The following MADD variants were observed in gnomAD, a reference collection of about 807,000 sequenced individuals.
MADD encodes MAP kinase-activating death domain protein.
MADD carries 109 observed loss-of-function variants against 176.7 expected under a neutral mutation model. That is an observed-to-expected ratio of 0.62 (90% CI 0.53 to 0.72). MADD has a LOEUF of 0.72. Among genes scored for constraint, MADD ranks in the 30% least tolerant of loss-of-function variants. The pLI is 0.00. For missense variants in MADD, 1,914 were observed against 2,045.5 expected (o/e 0.94, Z 1.24); for synonymous variants, 771 against 771.3 (o/e 1.00, Z 0.01).
At chr11:47,324,198 T>G in intron 28 of MADD, 67 bp from the exon 32 acceptor site, 1 of 1,444,270 alleles carries the variant, frequency 6.9e-7, no homozygotes, top group Non-Finnish European at 9.7e-7. Context: ...CAGTGGCCAT[T>G]ATAGAGCAGT....
chr11:47,314,105 G>T (rs535668501), intron 26 of MADD, among the ~76,000 whole-genome samples: 43 of 152,154 alleles, frequency 2.8e-4, no homozygotes, highest in Non-Finnish European at 5.3e-4. Context: ...GCTAGGCATG[G>T]TGGCATGCAC....
intron 16 of MADD, 29 bp downstream of exon 17, chr11:47,289,522 T>A: frequency 6.3e-7 from 1 of 1,592,346 alleles, no homozygotes; most frequent in Admixed American, 1.7e-5. Flanking sequence ...GTTTTAAAAG[T>A]TCTCAGGCAG....
At chr11:47,304,521 C>A (rs1020189025) in intron 22 of MADD, among the ~76,000 whole-genome samples, 1 of 152,158 alleles carries the variant, frequency 6.6e-6, no homozygotes, top group African/African-American at 2.4e-5. Flanking sequence ...TGAGCCCCCA[C>A]GCCTGGCCCT....
chr11:47,316,597 T>TCA (rs2093085896), intron 27 of MADD, among the ~76,000 whole-genome samples: 1 of 149,434 alleles, frequency 6.7e-6, no homozygotes, highest in South Asian at 2.1e-4. Flanking sequence ...ACCATGTTGG[T>TCA]CAGGCTGGTC....
intron 27 of MADD, among the ~76,000 whole-genome samples, chr11:47,317,480 C>G (rs747906863): frequency 7.2e-5 from 11 of 152,154 alleles, no homozygotes; most frequent in Non-Finnish European, 1.3e-4. Context: ...CTCCTACATT[C>G]TAGATTTTTT....
intron 15 of MADD, 131 bp downstream of exon 16, chr11:47,289,158 C>A: frequency 3.0e-6 from 3 of 986,770 alleles, no homozygotes; most frequent in Non-Finnish European, 4.6e-6. Context: ...TCCCCCGTGA[C>A]GCCCATGCTT....
intron 31 of MADD, chr11:47,327,155 C>A: frequency 9.6e-7 from 1 of 1,045,048 alleles, no homozygotes; most frequent in Non-Finnish European, 1.2e-6. Context: ...CCACTATGTC[C>A]ATGTCACCTG....
chr11:47,279,523 C>T (rs11039161), intron 7 of MADD, among the ~76,000 whole-genome samples: 5,053 of 151,440 alleles, frequency 0.033, 115 homozygotes, highest in South Asian at 0.12. Context: ...GGACTATAGG[C>T]GCACGCCGCC....
At chr11:47,292,737 A>G (rs757018848) in intron 19 of MADD, 141 bp downstream of exon 21, 3 of 752,540 alleles carry the variant, frequency 4.0e-6, no homozygotes, top group Non-Finnish European at 4.7e-6. Flanking sequence ...GGTAGGTAGC[A>G]TGTGACTCCT....
chr11:47,294,078 A>G (rs866166642), intron 20 of MADD, 95 bp downstream of exon 22: 2 of 1,029,356 alleles, frequency 1.9e-6, no homozygotes, highest in Middle Eastern at 2.1e-4. Context: ...AGCCGGGCAC[A>G]GTGGCTCATG....
intron 25 of MADD, among the ~76,000 whole-genome samples, chr11:47,310,218 G>A (rs888471804): frequency 6.6e-6 from 1 of 150,614 alleles, no homozygotes; most frequent in Admixed American, 6.6e-5. Context: ...GTCACACTCT[G>A]TCACCCAGGC....
chr11:47,275,073 GTGTT>G lies in MADD; in HGVS notation c.577_580del (p.Leu193IlefsTer40). On this transcript the variant is annotated frameshift_variant, in exon 3 of 33. Transcript: ENST00000402192. LOFTEE classifies it high-confidence loss of function. ...ACCCTTTCTTCTCCACCTTCCGAGA[GTGTT>G]TGTATACTCTCAAGCGCCTGGTGGA... 6.2e-7 allele frequency: 1 copy of G among 1,614,256 alleles called. No individual in the cohort carries two copies. The highest frequency in any genetic ancestry group is 8.5e-7 in the Non-Finnish European group (1 of 1,180,054).
intron 26 of MADD, among the ~76,000 whole-genome samples, chr11:47,314,322 G>A (rs2091851105): frequency 6.6e-6 from 1 of 151,858 alleles, no homozygotes; most frequent in South Asian, 2.1e-4. Flanking sequence ...CGGTACTCCT[G>A]ACTTGGCCTC....
intron 22 of MADD, 37 bp from the exon 25 acceptor site, chr11:47,308,554 T>C (rs1409923893): frequency 1.3e-6 from 2 of 1,517,500 alleles, no homozygotes; most frequent in Non-Finnish European, 1.8e-6. Flanking sequence ...TATTCATTGC[T>C]ACCTCTGGCC....
intron 22 of MADD, among the ~76,000 whole-genome samples, chr11:47,301,985 A>C (rs1043830516): frequency 1.3e-5 from 2 of 152,116 alleles, no homozygotes; most frequent in African/African-American, 2.4e-5. Flanking sequence ...CTAAATGTAA[A>C]ATGTAGTATA....
chr11:47,300,939 A>C (rs2077228428), intron 22 of MADD, among the ~76,000 whole-genome samples: 1 of 146,594 alleles, frequency 6.8e-6, no homozygotes, highest in Admixed American at 6.8e-5. Context: ...TATAGTCTCC[A>C]GTGATTTTTT....
chr11:47,326,757 A>C (rs779383000), exon 31 of MADD: 1 of 1,614,162 alleles, frequency 6.2e-7, no homozygotes, highest in Non-Finnish European at 8.5e-7. Flanking sequence ...GAGCTGAATC[A>C]CATTAAAAAG....
At chr11:47,292,483 C>T in intron 19 of MADD, 60 bp from the exon 21 acceptor site, 1 of 1,524,918 alleles carries the variant, frequency 6.6e-7, no homozygotes. Context: ...TCCATTTCGT[C>T]TGTCTGACCA....
At position 47,325,822 on chromosome 11, in the gene MADD, C is replaced by T. The variant is rs955582021; in HGVS notation, c.4543-916C>T. Among the ~76,000 whole-genome samples, 4 of 152,356 alleles carry T rather than the reference C, an allele frequency of 2.6e-5. No homozygotes were observed. The highest frequency in any genetic ancestry group is 2.6e-4 in the Admixed American group (4 of 15,300). The stretch of plus-strand genomic sequence containing the variant: ...TCCTCGTCCTGCCCTTGGCATAGCC[C>T]CACTGGGCAGCCATCCAAGCCAGTC... On this transcript the variant is annotated intron_variant, in intron 30 of 32. Transcript: ENST00000402192. This position sits in a 1 kb window ranked among gnomAD's most constrained non-coding sequence, Gnocchi z 4.5.
Sources: gnomAD v4.1 joint callset for allele counts (sites outside exome capture counted in the v4.1 genomes callset) on GRCh38, gnomAD v4.1.1 for gene constraint, Gnocchi (gnomAD v3.1) non-coding constraint, MANE v1.5 for transcripts, NCBI Gene and HGNC (gene_info 2026-07-23, HGNC 2026-07-21) for gene names.